The following PDE4B variants were observed in gnomAD, a reference collection of about 807,000 sequenced individuals.
The protein encoded by PDE4B is phosphodiesterase 4B, also known as 3',5'-cyclic-AMP phosphodiesterase 4B.
PDE4B carries 20 observed loss-of-function variants against 82.2 expected under a neutral mutation model. The ratio of observed to expected loss-of-function variants is 0.24; its 90% confidence interval spans 0.17 to 0.35. The LOEUF (loss-of-function observed/expected upper bound fraction) is 0.35, where lower values mean the gene tolerates loss of function less well. Among genes scored for constraint, PDE4B ranks in the 10% least tolerant of loss-of-function variants. PDE4B has a pLI of 1.00. For synonymous variants in PDE4B, 320 were observed against 318.9 expected, an observed-to-expected ratio of 1.00 and a Z score of -0.04; for missense variants, 655 against 907.2, an observed-to-expected ratio of 0.72 and a Z score of 3.57.
intron 3 of PDE4B, among the ~76,000 whole-genome samples, chr1:65,948,145 A>G (rs552883742): frequency 2.0e-5 from 3 of 151,782 alleles, no homozygotes; most frequent in South Asian, 2.1e-4. Context: ...GGTTCTGCCA[A>G]CTGCTAAGTA....
chr1:66,199,160 GT>G (rs1188342882), intron 3 of PDE4B, among the ~76,000 whole-genome samples: 4 of 151,632 alleles, frequency 2.6e-5, no homozygotes, highest in Non-Finnish European at 4.4e-5. Context: ...GGTATTTCTA[GT>G]TCTAGATCCC....
intron 3 of PDE4B, among the ~76,000 whole-genome samples, chr1:66,208,600 T>G (rs1427486896): frequency 1.3e-5 from 2 of 152,214 alleles, no homozygotes; most frequent in Non-Finnish European, 2.9e-5. Context: ...TGCTTTAACA[T>G]AGTAAGCTTA....
At chr1:66,004,156 ATG>A (rs1205939826) in intron 3 of PDE4B, among the ~76,000 whole-genome samples, 1 of 152,186 alleles carries the variant, frequency 6.6e-6, no homozygotes. Flanking sequence ...AAATGAAGTA[ATG>A]TGTGTATGAT....
At chr1:66,227,482 C>A (rs1037171346) in intron 3 of PDE4B, among the ~76,000 whole-genome samples, 1 of 152,044 alleles carries the variant, frequency 6.6e-6, no homozygotes, top group African/African-American at 2.4e-5. Flanking sequence ...AACAAAGTGT[C>A]CAGAAAAATA....
intron 16 of PDE4B, among the ~76,000 whole-genome samples, chr1:66,370,404 A>G (rs2050704774): frequency 6.6e-6 from 1 of 152,178 alleles, no homozygotes; most frequent in Admixed American, 6.5e-5. Flanking sequence ...TTGGATCCCC[A>G]AACAGCCTTG....
At chr1:65,992,824 T>C (rs187710915) in intron 3 of PDE4B, 148 of 1,512,390 alleles carry the variant, frequency 9.8e-5, no homozygotes, top group Non-Finnish European at 1.1e-4. Context: ...TGCAGACTTA[T>C]CAGTCTTCTG....
intron 7 of PDE4B, among the ~76,000 whole-genome samples, chr1:66,295,192 A>G (rs919367059): frequency 2.6e-5 from 4 of 152,138 alleles, no homozygotes. Flanking sequence ...CAGCAGGAAT[A>G]AATAGTAGGT....
At chr1:66,101,865 T>C (rs1014563138) in intron 3 of PDE4B, among the ~76,000 whole-genome samples, 4 of 152,200 alleles carry the variant, frequency 2.6e-5, no homozygotes, top group Non-Finnish European at 5.9e-5. Flanking sequence ...TTTTGGCTTT[T>C]GTTGCCATTG....
chr1:66,261,435 A>G (rs975968054), intron 6 of PDE4B, among the ~76,000 whole-genome samples: 1 of 152,106 alleles, frequency 6.6e-6, no homozygotes, highest in African/African-American at 2.4e-5. Context: ...AATTCATGGA[A>G]CTCAGATATT....
At chr1:65,942,534 A>G (rs2100549762) in intron 3 of PDE4B, among the ~76,000 whole-genome samples, 1 of 152,036 alleles carries the variant, frequency 6.6e-6, no homozygotes, top group African/African-American at 2.4e-5. Flanking sequence ...TTTCCTTTAG[A>G]TGTATACCCA....
intron 3 of PDE4B, among the ~76,000 whole-genome samples, chr1:66,045,702 G>A (rs1267795290): frequency 1.3e-5 from 2 of 151,124 alleles, no homozygotes; most frequent in East Asian, 3.9e-4. Flanking sequence ...TATATATATA[G>A]ATGATTGTGA....
intron 8 of PDE4B, among the ~76,000 whole-genome samples, chr1:66,347,870 G>T (rs1661521979): frequency 6.6e-6 from 1 of 152,126 alleles, no homozygotes. Context: ...AGGTACTATA[G>T]ACTGAAAATG....
intron 1 of PDE4B, among the ~76,000 whole-genome samples, chr1:65,800,049 G>C (rs942322741): frequency 1.3e-5 from 2 of 152,136 alleles, no homozygotes; most frequent in Admixed American, 1.3e-4. Flanking sequence ...AAAAAAGAAA[G>C]ATTAAAGCAG....
intron 1 of PDE4B, among the ~76,000 whole-genome samples, chr1:65,848,145 AT>A (rs202107438): frequency 0.033 from 4,756 of 146,316 alleles, 169 homozygotes; most frequent in East Asian, 0.12. Flanking sequence ...CAGCTTTATC[AT>A]TTTTTTTTTT....
At chr1:66,281,854 C>G (rs1250176520) in intron 7 of PDE4B, among the ~76,000 whole-genome samples, 4 of 152,218 alleles carry the variant, frequency 2.6e-5, no homozygotes, top group Non-Finnish European at 5.9e-5. Context: ...AACTATGCCT[C>G]CATGAATGTA....
chr1:66,127,194 T>A (rs1446815580), intron 3 of PDE4B, among the ~76,000 whole-genome samples: 1 of 151,742 alleles, frequency 6.6e-6, no homozygotes, highest in African/African-American at 2.4e-5. Context: ...ACTATGAATA[T>A]GTTCTAGGAA....
chr1:66,353,043 T>C (rs2101995984), intron 8 of PDE4B, among the ~76,000 whole-genome samples: 1 of 152,348 alleles, frequency 6.6e-6, no homozygotes, highest in South Asian at 2.1e-4. Context: ...TAAACTTGTT[T>C]TCTTCAGCTT....
intron 14 of PDE4B, 41 bp from the exon 15 acceptor site, chr1:66,367,902 G>C (rs755918583): frequency 1.9e-6 from 3 of 1,613,064 alleles, no homozygotes; most frequent in East Asian, 2.2e-5. Flanking sequence ...CTCTCTGATA[G>C]ACTGAATTTA....
At chr1:65,944,243 A>C (rs1028029441) in intron 3 of PDE4B, among the ~76,000 whole-genome samples, 2 of 151,796 alleles carry the variant, frequency 1.3e-5, no homozygotes, top group African/African-American at 2.4e-5. Context: ...CGAGAGGATC[A>C]TATGGTTTTT....
Sources: allele counts gnomAD v4.1 joint callset (sites outside exome capture counted in the v4.1 genomes callset), GRCh38; gene constraint gnomAD v4.1.1; transcripts MANE v1.5; gene names NCBI Gene and HGNC (gene_info 2026-07-23, HGNC 2026-07-21).